The following CCDC171 variants were observed in gnomAD, a reference collection of about 807,000 sequenced individuals.
CCDC171 encodes the protein coiled-coil domain-containing protein 171.
In CCDC171, 177 loss-of-function variants were observed where a neutral mutation model predicts 168.2. The observed-to-expected ratio is 1.05, with a 90% CI of 0.93 to 1.19. The LOEUF is 1.19. Ranked by LOEUF, CCDC171 falls within the 50% of genes most tolerant of loss-of-function variation. The pLI is 0.00. For missense variants in CCDC171, 1,991 were observed against 1,539.0 expected (o/e 1.29, Z -4.91); for synonymous variants, 687 against 540.8 (o/e 1.27, Z -3.75).
At chr9:15,933,519 C>T (rs1826763673) in intron 25 of CCDC171, among the ~76,000 whole-genome samples, 1 of 151,428 alleles carries the variant, frequency 6.6e-6, no homozygotes, top group Non-Finnish European at 1.5e-5. Flanking sequence ...AAATTATTTC[C>T]ATCCTTCTAC....
At chr9:15,720,190 A>G (rs2053383885) in intron 11 of CCDC171, among the ~76,000 whole-genome samples, 1 of 152,200 alleles carries the variant, frequency 6.6e-6, no homozygotes, top group Non-Finnish European at 1.5e-5. Flanking sequence ...CAAGATTTAA[A>G]CATGAGATAT....
At chr9:15,602,357 C>G (rs535912681) in intron 6 of CCDC171, among the ~76,000 whole-genome samples, 1 of 145,776 alleles carries the variant, frequency 6.9e-6, no homozygotes, top group South Asian at 2.2e-4. Context: ...GTGTAGCTCT[C>G]TAAGAGAATT....
intron 21 of CCDC171, among the ~76,000 whole-genome samples, chr9:15,803,298 T>C (rs2058916374): frequency 6.6e-6 from 1 of 152,198 alleles, no homozygotes; most frequent in African/African-American, 2.4e-5. Context: ...TTTGTTGCAA[T>C]TGCTTTTGGT....
At chr9:16,050,686 T>C (rs139474314) in intron 1 of CCDC171, among the ~76,000 whole-genome samples, 1 of 152,370 alleles carries the variant, frequency 6.6e-6, no homozygotes, top group African/African-American at 2.4e-5. Flanking sequence ...ATATGAGCAT[T>C]GCACATGTCC....
chr9:15,801,566 G>C (rs547573058), intron 21 of CCDC171, among the ~76,000 whole-genome samples: 32 of 152,100 alleles, frequency 2.1e-4, no homozygotes, highest in Non-Finnish European at 3.8e-4. Flanking sequence ...TGCAAACAAA[G>C]ATAATTTGAC....
intron 5 of CCDC171, 49 bp from the exon 6 acceptor site, chr9:15,593,992 G>T (rs961038793): frequency 1.5e-6 from 2 of 1,323,012 alleles, no homozygotes; most frequent in East Asian, 2.4e-5. Context: ...GATGAAGGAA[G>T]ATAACTTTTA....
chr9:15,955,268 T>C (rs1410199867), intron 25 of CCDC171, among the ~76,000 whole-genome samples: 1 of 152,000 alleles, frequency 6.6e-6, no homozygotes, highest in Non-Finnish European at 1.5e-5. Flanking sequence ...TAATGTCTGG[T>C]CCCAAAGGGG....
chr9:16,004,648 A>C (rs1304903907), intron 3 of CCDC171, among the ~76,000 whole-genome samples: 1 of 152,206 alleles, frequency 6.6e-6, no homozygotes, highest in South Asian at 2.1e-4. Flanking sequence ...TCACTGCCTT[A>C]CTGAGCCACC....
intron 21 of CCDC171, among the ~76,000 whole-genome samples, chr9:15,825,608 T>C (rs2059978754): frequency 6.6e-6 from 1 of 152,142 alleles, no homozygotes; most frequent in Non-Finnish European, 1.5e-5. Context: ...GAACTTGAAC[T>C]CAGGATTGCC....
chr9:15,939,189 T>C (rs776334228), intron 25 of CCDC171, among the ~76,000 whole-genome samples: 1 of 151,626 alleles, frequency 6.6e-6, no homozygotes, highest in Admixed American at 6.6e-5. Flanking sequence ...ATAGATAATA[T>C]CCATATAGAT....
the CCDC171 span, among the ~76,000 whole-genome samples, chr9:16,094,831 A>T: frequency 6.6e-6 from 1 of 152,230 alleles, no homozygotes; most frequent in Non-Finnish European, 1.5e-5. Context: ...GGGCAGGGAC[A>T]CAGATCCAAA....
chr9:15,699,019 G>A (rs1056844472), intron 11 of CCDC171, among the ~76,000 whole-genome samples: 5 of 152,170 alleles, frequency 3.3e-5, no homozygotes, highest in Non-Finnish European at 1.5e-5. Flanking sequence ...GGATCATATT[G>A]TGTCCGGAAT....
intron 10 of CCDC171, among the ~76,000 whole-genome samples, 189 bp from the exon 11 acceptor site, chr9:15,695,046 T>C (rs539141124): frequency 1.2e-4 from 18 of 152,386 alleles, no homozygotes; most frequent in African/African-American, 4.1e-4. Context: ...AGTAAATTGT[T>C]AATAAGACCT....
intron 25 of CCDC171, among the ~76,000 whole-genome samples, chr9:15,965,397 T>C (rs188319662): frequency 2.0e-5 from 3 of 152,290 alleles, no homozygotes; most frequent in Admixed American, 1.3e-4. Flanking sequence ...TTGGGCAACA[T>C]GGTAAGGTAA....
chr9:15,910,130 T>A (rs1319997910), intron 24 of CCDC171, among the ~76,000 whole-genome samples: 3 of 151,960 alleles, frequency 2.0e-5, no homozygotes, highest in Non-Finnish European at 4.4e-5. Context: ...GACATGAGTT[T>A]CCTTTTTTTA....
chr9:16,054,372 A>G (rs1049087204), intron 1 of CCDC171, among the ~76,000 whole-genome samples: 1 of 152,204 alleles, frequency 6.6e-6, no homozygotes, highest in Non-Finnish European at 1.5e-5. Context: ...CCGCAGCTGC[A>G]TGGAGTAGTC....
intron 6 of CCDC171, among the ~76,000 whole-genome samples, chr9:15,605,464 G>T (rs1014181528): frequency 4.0e-5 from 6 of 149,642 alleles, no homozygotes; most frequent in Non-Finnish European, 7.4e-5. Flanking sequence ...CAGATCATGA[G>T]GTCAGGAGAT....
intron 23 of CCDC171, among the ~76,000 whole-genome samples, chr9:15,851,399 A>T (rs1484135863): frequency 1.4e-5 from 2 of 145,202 alleles, no homozygotes; most frequent in African/African-American, 5.1e-5. Context: ...TTTTTAATGT[A>T]GGTCAGAAGT....
chr9:15,910,404 C>G (rs1448590248), intron 24 of CCDC171, among the ~76,000 whole-genome samples: 4 of 152,122 alleles, frequency 2.6e-5, no homozygotes, highest in African/African-American at 4.8e-5. Flanking sequence ...CCTCGCTTCT[C>G]CATTCTGTTC....
Sources: allele counts gnomAD v4.1 joint callset (sites outside exome capture counted in the v4.1 genomes callset), GRCh38; gene constraint gnomAD v4.1.1; transcripts MANE v1.5; gene names NCBI Gene and HGNC (gene_info 2026-07-23, HGNC 2026-07-21).